The following GRIP1 variants were observed in gnomAD, a reference collection of about 807,000 sequenced individuals.
GRIP1 encodes glutamate receptor-interacting protein 1.
Under a neutral mutation model 129.9 loss-of-function variants are expected in GRIP1, and 45 were observed. The observed-to-expected ratio is 0.35, with a 90% CI of 0.27 to 0.44. The LOEUF is 0.44. GRIP1 is among the 20% of genes least tolerant of loss of function. The pLI is 1.00. For missense variants in GRIP1, 1,196 were observed against 1,396.8 expected (o/e 0.86, Z 2.29); for synonymous variants, 530 against 520.8 (o/e 1.02, Z -0.24).
At chr12:67,025,199 G>T (rs2042923867) in intron 1 of GRIP1, among the ~76,000 whole-genome samples, 1 of 152,166 alleles carries the variant, frequency 6.6e-6, no homozygotes, top group Non-Finnish European at 1.5e-5. Flanking sequence ...AAATTAGCCA[G>T]CTGTGGTGGC....
At chr12:66,547,961 T>C (rs2061998210) in intron 2 of GRIP1, among the ~76,000 whole-genome samples, 1 of 152,198 alleles carries the variant, frequency 6.6e-6, no homozygotes, top group Admixed American at 6.6e-5. Context: ...CAACTGCATA[T>C]GAATCTACAA....
intron 1 of GRIP1, among the ~76,000 whole-genome samples, chr12:66,830,704 T>C (rs552856906): frequency 2.0e-5 from 3 of 152,080 alleles, no homozygotes; most frequent in East Asian, 3.9e-4. Flanking sequence ...TCATCCCCAT[T>C]TTACAAATGA....
chr12:66,633,657 C>G (rs11176340), intron 1 of GRIP1, among the ~76,000 whole-genome samples: 8,190 of 152,010 alleles, frequency 0.054, 382 homozygotes, highest in African/African-American at 0.12. Context: ...AGAAATTTCC[C>G]GAGGTTAAAT....
chr12:66,519,795 T>C (rs1406692615), intron 5 of GRIP1, among the ~76,000 whole-genome samples: 1 of 152,228 alleles, frequency 6.6e-6, no homozygotes, highest in Non-Finnish European at 1.5e-5. Context: ...TCAAGCAGCA[T>C]ATGTTAAATG....
chr12:66,679,453 A>AT (rs2034495923), upstream of GRIP1, among the ~76,000 whole-genome samples: 1 of 147,582 alleles, frequency 6.8e-6, no homozygotes, highest in African/African-American at 2.7e-5. Flanking sequence ...CCAAAAAAAA[A>AT]AAAAAAAAAA....
intron 1 of GRIP1, among the ~76,000 whole-genome samples, chr12:66,965,083 T>C (rs934309455): frequency 1.3e-5 from 2 of 152,126 alleles, no homozygotes; most frequent in Admixed American, 6.6e-5. Flanking sequence ...TAGTTTAACA[T>C]GAATTTTGGG....
chr12:67,035,550 AATG>A (rs931889641), intron 1 of GRIP1: 2 of 152,234 alleles, frequency 1.3e-5, no homozygotes, highest in African/African-American at 4.8e-5. Context: ...CAGAATTGAC[AATG>A]ATGAACACAG....
At position 66,362,462 on chromosome 12, in the gene GRIP1, A is replaced by T. The variant is rs540974401; in HGVS notation, c.3013-8899T>A. ...GTCACCGCGCCCAGCCTTCAATTTA[A>T]TCTTTACTATAGCCTTGCCTGACAA... is the stretch of plus-strand genomic sequence containing the variant. On this transcript the variant is annotated intron_variant, in intron 23 of 24. Transcript: ENST00000359742. Among the ~76,000 whole-genome samples, 51 of 151,866 alleles carry T rather than the reference A, an allele frequency of 3.4e-4. 1 individual carries two copies. Among genetic ancestry groups the T allele is most frequent in the African/African-American group, 1.1e-3 (47 of 41,180 alleles).
chr12:66,778,855 G>A (rs2038069500), intron 1 of GRIP1, among the ~76,000 whole-genome samples: 1 of 152,204 alleles, frequency 6.6e-6, no homozygotes. Context: ...ATGGAAAGCT[G>A]TGGAGCTTGT....
intron 1 of GRIP1, among the ~76,000 whole-genome samples, chr12:66,723,239 T>TTCCTTCCTTC (rs1555230330): frequency 4.7e-4 from 11 of 23,596 alleles, no homozygotes; most frequent in South Asian, 2.0e-3. Context: ...TCTCTCTCTC[T>TTCCTTCCTTC]CTTCCTTCCT....
Position 66,661,053 on chromosome 12 carries a change from T to C in GRIP1, c.55+17797A>G, listed in dbSNP as rs564845632. Among the ~76,000 whole-genome samples, 10 of 152,118 alleles carry C rather than the reference T, an allele frequency of 6.6e-5. No homozygotes were observed. In the East Asian group the frequency reaches 1.7e-3, roughly 26 times the overall value. ...TTATCATTTTAGGAAAATAAAAGCA[T>C]AATATACAGATAAATAATGGCTTTC... On this transcript the variant is annotated intron_variant, in intron 1 of 24. Coordinates refer to ENST00000359742, the MANE Select transcript of GRIP1 (RefSeq NM_001366722.1).
chr12:66,599,749 A>G (rs927303251), intron 1 of GRIP1, among the ~76,000 whole-genome samples: 1 of 152,200 alleles, frequency 6.6e-6, no homozygotes, highest in African/African-American at 2.4e-5. Context: ...ATGCAGCTTT[A>G]TAGATATATC....
intron 1 of GRIP1, among the ~76,000 whole-genome samples, chr12:66,687,746 G>A (rs746241837): frequency 1.3e-5 from 2 of 152,026 alleles, no homozygotes; most frequent in Non-Finnish European, 2.9e-5. Context: ...TTTCTCTTGC[G>A]GACCCACTCT....
intron 1 of GRIP1, among the ~76,000 whole-genome samples, chr12:66,894,563 G>A (rs895259045): frequency 2.0e-5 from 3 of 152,188 alleles, no homozygotes; most frequent in African/African-American, 7.2e-5. Flanking sequence ...GTATCCCAGT[G>A]TGTGCTGAAT....
chr12:66,905,553 CTG>C (rs1177665568), intron 1 of GRIP1, among the ~76,000 whole-genome samples: 3 of 152,174 alleles, frequency 2.0e-5, no homozygotes, highest in Admixed American at 6.5e-5. Context: ...ATGAAATATT[CTG>C]TGTTTTCAAT....
chr12:66,531,298 T>TAC (rs1215566407), intron 4 of GRIP1, among the ~76,000 whole-genome samples: 3 of 68,496 alleles, frequency 4.4e-5, no homozygotes, highest in African/African-American at 1.3e-4. Context: ...TATATATATA[T>TAC]ATATACACAC....
At chr12:66,470,428 CTTCACCTACTTT>C (rs2059404848) in intron 7 of GRIP1, among the ~76,000 whole-genome samples, 1 of 110,188 alleles carries the variant, frequency 9.1e-6, no homozygotes, top group South Asian at 3.0e-4. Context: ...CTGTCCCTTC[CTTCACCTACTTT>C]TTTTTTTTTT....
At position 66,411,032 on chromosome 12, in the gene GRIP1, A is replaced by G. The variant is rs146623283; in HGVS notation, c.1839-4604T>C. Among the ~76,000 whole-genome samples the G allele has an allele frequency of 3.1e-3, 471 of 152,244 alleles. 2 individuals are homozygous for G. The highest frequency in any genetic ancestry group is 0.011 in the African/African-American group (441 of 41,546). On this transcript the variant is annotated intron_variant, in intron 15 of 24. Coordinates refer to ENST00000359742, the MANE Select transcript of GRIP1 (RefSeq NM_001366722.1). The stretch of plus-strand genomic sequence containing the variant: ...GGAGCCCCTTGCAGGAGGGGAAGCC[A>G]TGGTCTCTCTTGTTCAGTTGACTTA...
At chr12:66,542,054 T>C (rs1452317989) in intron 2 of GRIP1, 104 bp from the exon 3 acceptor site, 6 of 973,504 alleles carry the variant, frequency 6.2e-6, no homozygotes, top group Non-Finnish European at 1.0e-5. Flanking sequence ...TGAGAAAAGA[T>C]ATTTATGGCC....
Sources: allele counts gnomAD v4.1 joint callset (sites outside exome capture counted in the v4.1 genomes callset), GRCh38; gene constraint gnomAD v4.1.1; transcripts MANE v1.5; gene names NCBI Gene and HGNC (gene_info 2026-07-23, HGNC 2026-07-21).